Variants in CAMTA1 observed in about 807,000 individuals in gnomAD.
CAMTA1 encodes the protein calmodulin binding transcription activator 1.
A neutral mutation model predicts 170.9 loss-of-function variants in CAMTA1; 27 were observed. The observed-to-expected ratio is 0.16, with a 90% confidence interval of 0.12 to 0.22. CAMTA1 has a LOEUF of 0.22. Among genes scored for constraint, CAMTA1 ranks in the 10% least tolerant of loss-of-function variants. The pLI is 1.00. For missense variants in CAMTA1, 1,619 were observed against 2,217.2 expected (o/e 0.73, Z 5.42); for synonymous variants, 833 against 891.5 (o/e 0.93, Z 1.17).
chr1:7,237,944 A>C (rs535305664), intron 4 of CAMTA1, among the ~76,000 whole-genome samples: 1 of 152,256 alleles, frequency 6.6e-6, no homozygotes, highest in African/African-American at 2.4e-5. Flanking sequence ...TCACTAAAAC[A>C]GAGAGACCAA....
intron 3 of CAMTA1, among the ~76,000 whole-genome samples, chr1:6,917,851 CGGG>C (rs749028480): frequency 1.3e-4 from 4 of 29,670 alleles, no homozygotes; most frequent in Admixed American, 6.2e-4. Flanking sequence ...CCATCGGGGG[CGGG>C]GGGGGACATC....
At chr1:7,428,272 G>A (rs539675304) in intron 5 of CAMTA1, among the ~76,000 whole-genome samples, 1 of 152,056 alleles carries the variant, frequency 6.6e-6, no homozygotes, top group East Asian at 1.9e-4. Flanking sequence ...AGACCTCGTC[G>A]GGCGAATGCA....
intron 5 of CAMTA1, among the ~76,000 whole-genome samples, chr1:7,421,876 C>A (rs919339952): frequency 6.6e-6 from 1 of 152,032 alleles, no homozygotes; most frequent in Non-Finnish European, 1.5e-5. Context: ...CAGCAGCGCT[C>A]ACTCCACACT....
chr1:6,869,016 G>A (rs1186373713), intron 3 of CAMTA1, among the ~76,000 whole-genome samples: 4 of 152,204 alleles, frequency 2.6e-5, no homozygotes, highest in African/African-American at 9.6e-5. Flanking sequence ...AGCTAGACTA[G>A]CTTTCTGTAC....
At chr1:6,925,507 T>A (rs1171464086) in intron 3 of CAMTA1, among the ~76,000 whole-genome samples, 1 of 152,222 alleles carries the variant, frequency 6.6e-6, no homozygotes, top group African/African-American at 2.4e-5. Flanking sequence ...GTTGAGGCTG[T>A]GCTCGATCTT....
Position 7,293,154 on chromosome 1 carries a change from G to C in CAMTA1, c.438+43528G>C, listed in dbSNP as rs960014090. 6.6e-6 allele frequency among the ~76,000 whole-genome samples: 1 copy of C among 152,178 alleles called. No homozygotes were observed. The highest frequency in any genetic ancestry group is 1.5e-5 in the Non-Finnish European group (1 of 68,024). The stretch of plus-strand genomic sequence containing the variant: ...CTACTGCTTTCCAGTGGACAGGGAC[G>C]GGGTGGGGCTGCCTTCCTGGGAAGG... On this transcript the variant is annotated intron_variant, in intron 5 of 22. Coordinates refer to ENST00000303635, the MANE Select transcript of CAMTA1 (RefSeq NM_015215.4). This position sits in a 1 kb window ranked among gnomAD's most constrained non-coding sequence, Gnocchi z 4.1.
intron 3 of CAMTA1, among the ~76,000 whole-genome samples, chr1:7,013,352 A>T (rs1384559094): frequency 1.3e-5 from 2 of 151,084 alleles, no homozygotes; most frequent in African/African-American, 4.9e-5. Flanking sequence ...AGTAGGGATT[A>T]CAGAAGTGTA....
chr1:6,978,748 G>A (rs959388528), intron 3 of CAMTA1, among the ~76,000 whole-genome samples: 2 of 151,778 alleles, frequency 1.3e-5, no homozygotes, highest in African/African-American at 2.4e-5. Context: ...AATAATGACC[G>A]CATGTTTTAG....
intron 3 of CAMTA1, among the ~76,000 whole-genome samples, chr1:6,911,637 G>T (rs1292141560): frequency 1.3e-5 from 2 of 152,144 alleles, no homozygotes; most frequent in Admixed American, 6.5e-5. Flanking sequence ...GGGCTGAGAA[G>T]CCCCCTGTCC....
intron 5 of CAMTA1, among the ~76,000 whole-genome samples, chr1:7,461,934 C>T (rs1043454111): frequency 2.0e-5 from 3 of 152,272 alleles, no homozygotes; most frequent in African/African-American, 7.2e-5. Context: ...TACGCCTGGG[C>T]CATGCTCCCC....
At chr1:7,548,353 T>A (rs1482666508) in intron 6 of CAMTA1, among the ~76,000 whole-genome samples, 1 of 152,164 alleles carries the variant, frequency 6.6e-6, no homozygotes, top group South Asian at 2.1e-4. Context: ...AAGATTCCCA[T>A]GCAGGGTGCG....
At chr1:7,398,181 C>G (rs1452793405) in intron 5 of CAMTA1, among the ~76,000 whole-genome samples, 1 of 45,556 alleles carries the variant, frequency 2.2e-5, no homozygotes, top group African/African-American at 8.4e-5. Context: ...CTCTCTCTCT[C>G]TCTCTCTCTC....
chr1:7,261,057 T>C lies in CAMTA1; in HGVS notation c.438+11431T>C, dbSNP rs186350960. Among the ~76,000 whole-genome samples, 17 of 152,308 alleles carry C rather than the reference T, an allele frequency of 1.1e-4. No homozygotes were observed. In the East Asian group the frequency reaches 3.1e-3, roughly 28 times the overall value. Reference sequence around the variant, plus strand: ...TCGGTTTGCCTTTTCAGAGAAAGAATATGGATTATTATTAAATCTGGAATG... The same window carrying C: ...TCGGTTTGCCTTTTCAGAGAAAGAACATGGATTATTATTAAATCTGGAATG... On this transcript the variant is annotated intron_variant, in intron 5 of 22. Transcript: ENST00000303635.
At chr1:7,557,883 T>A (rs1039056579) in intron 6 of CAMTA1, among the ~76,000 whole-genome samples, 2 of 152,080 alleles carry the variant, frequency 1.3e-5, no homozygotes, top group Admixed American at 1.3e-4. Context: ...GGAAGAAAAG[T>A]GAGGGAGGAC....
At chr1:7,683,031 C>T (rs927474743) in intron 11 of CAMTA1, among the ~76,000 whole-genome samples, 3 of 152,006 alleles carry the variant, frequency 2.0e-5, no homozygotes, top group Non-Finnish European at 2.9e-5. Flanking sequence ...CAAAATTAGC[C>T]GGGCGTGGTG....
intron 3 of CAMTA1, among the ~76,000 whole-genome samples, chr1:7,001,878 CT>C (rs1698250181): frequency 7.7e-6 from 1 of 130,414 alleles, no homozygotes; most frequent in Non-Finnish European, 1.7e-5. Flanking sequence ...CTTTTTCTTT[CT>C]TTCTTCTTCT....
chr1:7,766,593 G>GCACA lies in CAMTA1; in HGVS notation c.*112_*115dup. Reference sequence around the variant, plus strand: ...GCAACAACAACACACACGCACACACGCACACACACACACGTACACACACAT... The same window carrying GCACA: ...GCAACAACAACACACACGCACACACGCACACACACACACACACGTACACACACAT... On this transcript the variant is annotated 3_prime_UTR_variant, in exon 23 of 23. Transcript: ENST00000303635. 1.1e-6 allele frequency: 1 copy of GCACA among 911,994 alleles called. No homozygotes were observed. The highest frequency in any genetic ancestry group is 1.8e-6 in the Non-Finnish European group (1 of 562,552). 56.5% of individuals were successfully genotyped at this position (911,994 alleles called of 1,614,324 possible).
intron 4 of CAMTA1, among the ~76,000 whole-genome samples, chr1:7,197,090 C>T (rs1365484815): frequency 6.6e-6 from 1 of 152,202 alleles, no homozygotes; most frequent in African/African-American, 2.4e-5. Flanking sequence ...CACGGGTCAT[C>T]TGGCATCGTG....
At chr1:7,304,251 A>T (rs1259648530) in intron 5 of CAMTA1, among the ~76,000 whole-genome samples, 1 of 152,208 alleles carries the variant, frequency 6.6e-6, no homozygotes, top group African/African-American at 2.4e-5. Context: ...ACTATTTTTT[A>T]AAAAGACCTC....
Sources: allele counts gnomAD v4.1 joint callset (sites outside exome capture counted in the v4.1 genomes callset), GRCh38; gene constraint gnomAD v4.1.1; non-coding constraint Gnocchi (gnomAD v3.1); transcripts MANE v1.5; gene names NCBI Gene and HGNC (gene_info 2026-07-23, HGNC 2026-07-21).